Variants in ARMC8 observed in about 807,000 individuals in gnomAD.
ARMC8 encodes the protein armadillo repeat-containing protein 8.
A neutral mutation model predicts 99.3 loss-of-function variants in ARMC8; 20 were observed. The ratio of observed to expected loss-of-function variants is 0.20; its 90% CI spans 0.14 to 0.29. The LOEUF (loss-of-function observed/expected upper bound fraction) is 0.29, where lower values mean the gene tolerates loss of function less well. ARMC8 is among the 10% of genes least tolerant of loss of function. The pLI is 1.00. For missense variants in ARMC8, 569 were observed against 809.5 expected, an observed-to-expected ratio of 0.70 and a Z score of 3.60; for synonymous variants, 263 against 278.3, an observed-to-expected ratio of 0.95 and a Z score of 0.55.
chr3:138,281,275 G>A (rs2049891295), intron 18 of ARMC8, among the ~76,000 whole-genome samples: 1 of 151,376 alleles, frequency 6.6e-6, no homozygotes, highest in Non-Finnish European at 1.5e-5. Flanking sequence ...TCAATGAGTT[G>A]GCCCAATAAT....
chr3:138,289,647 A>C (rs868093615), intron 20 of ARMC8, among the ~76,000 whole-genome samples: 1 of 152,140 alleles, frequency 6.6e-6, no homozygotes, highest in Admixed American at 6.5e-5. Context: ...TTTTTACACC[A>C]GGCCAATTAA....
At chr3:138,243,365 A>G (rs1032668393) in intron 11 of ARMC8, among the ~76,000 whole-genome samples, 10 of 152,214 alleles carry the variant, frequency 6.6e-5, no homozygotes, top group African/African-American at 2.4e-4. Flanking sequence ...GGATTATCCA[A>G]AGGTTTCTGA....
At chr3:138,295,714 A>C in intron 21 of ARMC8, 145 bp from the exon 22 acceptor site, 2 of 715,688 alleles carry the variant, frequency 2.8e-6, no homozygotes, top group South Asian at 3.8e-5. Flanking sequence ...TCTTCCCCTT[A>C]AGGTAGGTGC....
At chr3:138,198,644 C>T (rs1576585615) in intron 1 of ARMC8, among the ~76,000 whole-genome samples, 1 of 152,082 alleles carries the variant, frequency 6.6e-6, no homozygotes, top group East Asian at 1.9e-4. Context: ...TCCTAAGTAG[C>T]TGGGACTGCA....
chr3:138,257,164 T>C (rs532151078), intron 12 of ARMC8, among the ~76,000 whole-genome samples: 7 of 152,236 alleles, frequency 4.6e-5, no homozygotes, highest in Admixed American at 6.5e-5. Context: ...AGTAAGAGAA[T>C]TGGTTTTCCA....
At position 138,271,847 on chromosome 3, in the gene ARMC8, G is replaced by A. The variant is rs948374690; in HGVS notation, c.1480-1120G>A. 4.1e-5 allele frequency among the ~76,000 whole-genome samples: 6 copies of A among 147,300 alleles called. No homozygotes were observed. The East Asian group carries it at 1.2e-3, about 29-fold the overall frequency. On this transcript the variant is annotated intron_variant, in intron 16 of 21. Transcript: ENST00000469044. ...GTCTCGCTTAGTTGCCCAGGCTGGA[G>A]TGTAGTGGCATAATCTCAGCTCACT...
intron 18 of ARMC8, among the ~76,000 whole-genome samples, chr3:138,283,526 CAG>C (rs1465316328): frequency 6.6e-6 from 1 of 152,186 alleles, no homozygotes; most frequent in Admixed American, 6.5e-5. Flanking sequence ...GCTTCAAAGT[CAG>C]GGAGTGTGTT....
chr3:138,245,782 G>A (rs1405917438), intron 12 of ARMC8: 10 of 986,232 alleles, frequency 1.0e-5, no homozygotes, highest in African/African-American at 3.5e-5. Context: ...GTCTAACACT[G>A]AACTCATGTT....
Position 138,187,435 on chromosome 3 carries a change from G to T in ARMC8, c.-120G>T. 1 of 1,012,820 alleles carries T rather than the reference G, an allele frequency of 9.9e-7. No individual in the cohort carries two copies. Among genetic ancestry groups the T allele is most frequent in the South Asian group, 1.4e-5 (1 of 69,100 alleles). The allele number at this position is 1,012,820 out of a possible 1,614,324, so 62.7% of individuals were successfully genotyped here. A position where few individuals can be genotyped will look rare whatever the true frequency, so the allele number is the denominator to read the frequency against. ...GTACTTGAGCGGTGTCCAGAGCGTG[G>T]CCAGTTCTCGTCTATCTGGCTGCCT... On this transcript the variant is annotated 5_prime_UTR_variant, in exon 1 of 22. Transcript: ENST00000469044.
At chr3:138,213,194 C>T (rs1310632056) in intron 2 of ARMC8, among the ~76,000 whole-genome samples, 2 of 152,228 alleles carry the variant, frequency 1.3e-5, no homozygotes, top group Non-Finnish European at 2.9e-5. Flanking sequence ...TCATAGTCTA[C>T]AACTAATCTA....
intron 5 of ARMC8, among the ~76,000 whole-genome samples, chr3:138,227,197 A>G (rs755057235): frequency 6.6e-6 from 1 of 152,232 alleles, no homozygotes; most frequent in Non-Finnish European, 1.5e-5. Flanking sequence ...TGCCTTAATC[A>G]TCTGTAATCT....
intron 16 of ARMC8, among the ~76,000 whole-genome samples, chr3:138,271,053 A>C (rs1408476587): frequency 6.6e-6 from 1 of 152,200 alleles, no homozygotes; most frequent in Non-Finnish European, 1.5e-5. Context: ...CACAGTTAAT[A>C]ATGGAAATGG....
chr3:138,281,165 T>A (rs1158438797), intron 18 of ARMC8, among the ~76,000 whole-genome samples: 1 of 152,180 alleles, frequency 6.6e-6, no homozygotes, highest in Non-Finnish European at 1.5e-5. Context: ...TTTCCTTGAT[T>A]TCCAGTTGTT....
intron 1 of ARMC8, among the ~76,000 whole-genome samples, chr3:138,202,416 G>A (rs1391786763): frequency 1.3e-5 from 2 of 152,146 alleles, no homozygotes; most frequent in African/African-American, 4.8e-5. Flanking sequence ...TTGAGGATGG[G>A]TATTTTTGAA....
At chr3:138,271,216 T>C (rs1275927287) in intron 16 of ARMC8, among the ~76,000 whole-genome samples, 2 of 152,248 alleles carry the variant, frequency 1.3e-5, no homozygotes, top group Non-Finnish European at 2.9e-5. Context: ...GCACAGCTTT[T>C]AGCACTTCTC....
At chr3:138,213,753 A>G (rs979014043) in intron 2 of ARMC8, among the ~76,000 whole-genome samples, 6 of 152,236 alleles carry the variant, frequency 3.9e-5, no homozygotes, top group African/African-American at 1.2e-4. Context: ...AGAACTCTTC[A>G]TATGATTTTG....
chr3:138,262,223 C>CT (rs1298360911), intron 12 of ARMC8: 132 of 233,752 alleles, frequency 5.6e-4, no homozygotes, highest in Non-Finnish European at 2.1e-4. Context: ...AGTAGGTAGA[C>CT]TGAGAAAGGG....
chr3:138,266,923 C>T (rs2048337668), intron 14 of ARMC8, among the ~76,000 whole-genome samples: 1 of 152,128 alleles, frequency 6.6e-6, no homozygotes, highest in Non-Finnish European at 1.5e-5. Flanking sequence ...GCAAGAGCCC[C>T]CAGTGAGGCT....
intron 21 of ARMC8, among the ~76,000 whole-genome samples, chr3:138,295,208 T>G (rs923772154): frequency 5.9e-5 from 9 of 152,186 alleles, no homozygotes; most frequent in Non-Finnish European, 1.0e-4. Flanking sequence ...CTACATTCTA[T>G]CTTTTCCTTT....
Sources: allele counts gnomAD v4.1 joint callset (sites outside exome capture counted in the v4.1 genomes callset), GRCh38; gene constraint gnomAD v4.1.1; transcripts MANE v1.5; gene names NCBI Gene and HGNC (gene_info 2026-07-23, HGNC 2026-07-21).